GPC3: variants seen among roughly 807,000 people sequenced by gnomAD.
GPC3 encodes the protein glypican 3.
GPC3 carries 3 observed loss-of-function variants against 34.4 expected under a neutral mutation model. That is an observed-to-expected ratio of 0.09 (90% CI 0.04 to 0.23). The LOEUF (loss-of-function observed/expected upper bound fraction) is 0.23, where lower values mean the gene tolerates loss of function less well. Ranked by LOEUF, GPC3 falls within the 10% of genes least tolerant of loss-of-function variation. The pLI is 1.00. For missense variants in GPC3, 351 were observed against 445.6 expected, an observed-to-expected ratio of 0.79 and a Z score of 1.91; for synonymous variants, 177 against 174.0, an observed-to-expected ratio of 1.02 and a Z score of -0.13.
At chrX:133,629,722 G>C (rs1451812384) in intron 6 of GPC3, among the ~76,000 whole-genome samples, 2 of 109,326 alleles carry the variant, frequency 1.8e-5, no homozygotes, top group Non-Finnish European at 3.8e-5. Flanking sequence ...AGATTGCTAA[G>C]GAAAGGGAAA....
intron 4 of GPC3, among the ~76,000 whole-genome samples, chrX:133,699,027 C>T (rs1350023821): frequency 1.8e-5 from 2 of 112,224 alleles, no homozygotes; most frequent in Non-Finnish European, 3.8e-5. Flanking sequence ...GAAGCTCTGC[C>T]TGACCATCAT....
chrX:133,902,742 G>T (rs1465245299), intron 2 of GPC3, among the ~76,000 whole-genome samples: 1 of 111,355 alleles, frequency 9.0e-6, no homozygotes, highest in African/African-American at 3.3e-5. Flanking sequence ...AAGAAAAAAA[G>T]AAATTTTAGG....
At chrX:133,594,096 CA>C (rs979465530) in intron 7 of GPC3, among the ~76,000 whole-genome samples, 5 of 105,530 alleles carry the variant, frequency 4.7e-5, no homozygotes. Context: ...AACTCCATCT[CA>C]AAAAAAACAA....
chrX:133,875,215 T>C (rs775037474), intron 2 of GPC3, among the ~76,000 whole-genome samples: 1 of 112,127 alleles, frequency 8.9e-6, no homozygotes, highest in African/African-American at 3.2e-5. Flanking sequence ...CCAACTGGCA[T>C]CACTGGGTGG....
chrX:133,862,645 G>A (rs1378060251), intron 2 of GPC3, among the ~76,000 whole-genome samples: 9 of 110,010 alleles, frequency 8.2e-5, no homozygotes, highest in Middle Eastern at 9.6e-3. Context: ...AGCCGAGATC[G>A]CACCACTGCA....
At chrX:133,895,292 C>G (rs1015711637) in intron 2 of GPC3, among the ~76,000 whole-genome samples, 8 of 111,739 alleles carry the variant, frequency 7.2e-5, no homozygotes, top group African/African-American at 2.0e-4. Flanking sequence ...CTTCCTTTAT[C>G]TCTCCTCTAC....
chrX:133,942,630 T>C (rs1180940882), intron 2 of GPC3, among the ~76,000 whole-genome samples: 1 of 111,866 alleles, frequency 8.9e-6, no homozygotes, highest in Non-Finnish European at 1.9e-5. Flanking sequence ...AGAATCAGGG[T>C]CGTTTTATTT....
intron 2 of GPC3, among the ~76,000 whole-genome samples, chrX:133,775,571 A>G (rs1478589099): frequency 1.8e-5 from 2 of 111,815 alleles, no homozygotes; most frequent in East Asian, 5.6e-4. Flanking sequence ...TGTCACAAAA[A>G]TCTATTTCAG....
At chrX:133,590,166 T>C (rs1454584764) in intron 7 of GPC3, among the ~76,000 whole-genome samples, 3 of 111,360 alleles carry the variant, frequency 2.7e-5, no homozygotes, top group Non-Finnish European at 5.6e-5. Flanking sequence ...GACACAGCAT[T>C]TGTTCCGTCT....
chrX:133,554,389 T>C (rs1336729014), intron 7 of GPC3, among the ~76,000 whole-genome samples: 3 of 109,751 alleles, frequency 2.7e-5, no homozygotes, highest in Non-Finnish European at 5.7e-5. Flanking sequence ...TCATGGCTCA[T>C]TGCAGCTGTT....
chrX:133,739,154 G>C (rs2071540381), intron 3 of GPC3, among the ~76,000 whole-genome samples: 1 of 111,375 alleles, frequency 9.0e-6, no homozygotes, highest in African/African-American at 3.3e-5. Context: ...GGCATCCACT[G>C]GGAGTCAGGC....
At chrX:133,909,097 TCA>T (rs1287465439) in intron 2 of GPC3, among the ~76,000 whole-genome samples, 5 of 112,646 alleles carry the variant, frequency 4.4e-5, no homozygotes, top group Admixed American at 3.8e-4. Flanking sequence ...TGTGTATTCC[TCA>T]CAGTGCTTAG....
intron 3 of GPC3, among the ~76,000 whole-genome samples, chrX:133,726,964 A>G (rs2071414622): frequency 8.9e-6 from 1 of 111,805 alleles, no homozygotes. Context: ...AGGAAGCAAG[A>G]TGCTTGACTT....
chrX:133,551,821 T>C (rs2069436166), intron 7 of GPC3, among the ~76,000 whole-genome samples: 1 of 111,331 alleles, frequency 9.0e-6, no homozygotes, highest in South Asian at 3.8e-4. Flanking sequence ...CACAGACCTA[T>C]TTATCTGATA....
intron 6 of GPC3, among the ~76,000 whole-genome samples, chrX:133,645,482 G>A (rs1169610632): frequency 8.9e-6 from 1 of 112,203 alleles, no homozygotes; most frequent in Non-Finnish European, 1.9e-5. Context: ...AAGGAGATCA[G>A]TTGCATTACA....
intron 2 of GPC3, among the ~76,000 whole-genome samples, chrX:133,926,349 C>T (rs1325140159): frequency 2.7e-5 from 3 of 111,612 alleles, no homozygotes; most frequent in African/African-American, 6.5e-5. Context: ...CATTGGGTGG[C>T]TGAGATGTTT....
chrX:133,630,400 G>A (rs1020330837), intron 6 of GPC3, among the ~76,000 whole-genome samples: 1 of 111,582 alleles, frequency 9.0e-6, no homozygotes, highest in African/African-American at 3.3e-5. Context: ...CTCTCGTTTT[G>A]AATTACACAT....
chrX:133,887,616 G>C (rs1361364366), intron 2 of GPC3, among the ~76,000 whole-genome samples: 1 of 111,956 alleles, frequency 8.9e-6, no homozygotes, highest in Non-Finnish European at 1.9e-5. Context: ...GGAATGCTAA[G>C]CTTGTGGGAG....
intron 6 of GPC3, among the ~76,000 whole-genome samples, chrX:133,656,899 T>C (rs1460397405): frequency 9.0e-6 from 1 of 111,319 alleles, no homozygotes; most frequent in African/African-American, 3.3e-5. Context: ...GAGAATAAAG[T>C]CACAAGACTT....
Sources: allele counts gnomAD v4.1 joint callset (sites outside exome capture counted in the v4.1 genomes callset), GRCh38; gene constraint gnomAD v4.1.1; transcripts MANE v1.5; gene names NCBI Gene and HGNC (gene_info 2026-07-23, HGNC 2026-07-21).